Variants in ATG7 observed in about 807,000 individuals in gnomAD.
ATG7 encodes the protein ubiquitin-like modifier-activating enzyme ATG7.
Under a neutral mutation model 82.4 loss-of-function variants are expected in ATG7, and 70 were observed. That is an observed-to-expected ratio of 0.85 (90% CI 0.70 to 1.04). The LOEUF is 1.04. ATG7 is among the 50% of genes least tolerant of loss of function. ATG7 has a pLI of 0.00. For missense variants in ATG7, 792 were observed against 864.3 expected (o/e 0.92, Z 1.05); for synonymous variants, 287 against 313.0 (o/e 0.92, Z 0.88).
chr3:11,525,492 C>A, intron 20 of ATG7, among the ~76,000 whole-genome samples: 1 of 138,508 alleles, frequency 7.2e-6, no homozygotes, highest in South Asian at 2.2e-4. Flanking sequence ...TTGTATGTGA[C>A]AGATGCTCAT....
At chr3:11,421,897 T>G (rs1221319573) in intron 19 of ATG7, among the ~76,000 whole-genome samples, 1 of 152,230 alleles carries the variant, frequency 6.6e-6, no homozygotes, top group African/African-American at 2.4e-5. Context: ...CCATCAGACC[T>G]CCTGGGTGAC....
intron 20 of ATG7, among the ~76,000 whole-genome samples, chr3:11,454,261 G>A (rs1334463349): frequency 6.6e-6 from 1 of 152,074 alleles, no homozygotes; most frequent in Non-Finnish European, 1.5e-5. Context: ...AGTTGACTCC[G>A]CCCTTGGCCC....
intron 9 of ATG7, among the ~76,000 whole-genome samples, chr3:11,320,484 C>T (rs984975061): frequency 5.3e-5 from 8 of 152,082 alleles, no homozygotes; most frequent in Non-Finnish European, 1.2e-4. Context: ...GATGGGGTTT[C>T]GCCATGTTGG....
intron 20 of ATG7, among the ~76,000 whole-genome samples, chr3:11,526,586 T>G (rs1273131532): frequency 6.6e-6 from 1 of 152,258 alleles, no homozygotes; most frequent in Non-Finnish European, 1.5e-5. Context: ...TTTTGTATGT[T>G]GATTATATTC....
At position 11,476,418 on chromosome 3, in the gene ATG7, CTTTTTTT is replaced by C. The variant is rs57639760; in HGVS notation, c.2079+49501_2079+49507del. Reference sequence around the variant, plus strand: ...TTGACCTGAACTTTATGTGGTTTTTCTTTTTTTTTTTTTTTGGTTTTTCCTTAGATGA... The same window carrying C: ...TTGACCTGAACTTTATGTGGTTTTTCTTTTTTTTGGTTTTTCCTTAGATGA... On this transcript the variant is annotated intron_variant, in intron 20 of 20. Transcript: ENST00000693202. 1.2e-3 allele frequency among the ~76,000 whole-genome samples: 162 copies of C among 139,488 alleles called. 1 individual carries two copies. The highest frequency in any genetic ancestry group is 4.2e-3 in the African/African-American group (159 of 37,414). 91.5% of individuals were successfully genotyped at this position (139,488 alleles called of 152,430 possible). A position where few individuals can be genotyped will look rare whatever the true frequency, so the allele number is the denominator to read the frequency against.
intron 9 of ATG7, among the ~76,000 whole-genome samples, chr3:11,320,347 C>T (rs889647498): frequency 1.3e-5 from 2 of 151,854 alleles, no homozygotes; most frequent in African/African-American, 4.8e-5. Context: ...AGTACAATGG[C>T]ATGATGTTGG....
intron 19 of ATG7, among the ~76,000 whole-genome samples, chr3:11,392,045 T>C (rs1408718590): frequency 6.6e-6 from 1 of 152,084 alleles, no homozygotes; most frequent in Non-Finnish European, 1.5e-5. Flanking sequence ...GGAAATCTTG[T>C]CCTTTGAAAA....
intron 20 of ATG7, among the ~76,000 whole-genome samples, chr3:11,449,335 A>T (rs1012837521): frequency 6.6e-6 from 1 of 152,102 alleles, no homozygotes; most frequent in Non-Finnish European, 1.5e-5. Context: ...TTGCCACTGC[A>T]CTCCAGCCTG....
chr3:11,420,022 T>C (rs2081787479), intron 19 of ATG7, among the ~76,000 whole-genome samples: 1 of 152,238 alleles, frequency 6.6e-6, no homozygotes, highest in African/African-American at 2.4e-5. Context: ...CACTTAAGAA[T>C]TGTGCTATGT....
At chr3:11,425,690 CA>C (rs147200054) in intron 19 of ATG7, among the ~76,000 whole-genome samples, 9,239 of 151,470 alleles carry the variant, frequency 0.061, 301 homozygotes, top group African/African-American at 0.081. Context: ...AACATATATC[CA>C]AAAAAAACAC....
At chr3:11,528,122 A>C (rs1053726815) in intron 20 of ATG7, among the ~76,000 whole-genome samples, 4 of 152,226 alleles carry the variant, frequency 2.6e-5, no homozygotes, top group Non-Finnish European at 4.4e-5. Context: ...GAACAACTTA[A>C]TGAAGTAAAG....
At chr3:11,332,198 A>G (rs1442375938) in intron 10 of ATG7, among the ~76,000 whole-genome samples, 2 of 152,342 alleles carry the variant, frequency 1.3e-5, no homozygotes, top group East Asian at 3.9e-4. Flanking sequence ...GTCATATACA[A>G]TGAATCTGAG....
chr3:11,303,105 T>C (rs1391455450), intron 5 of ATG7, among the ~76,000 whole-genome samples: 1 of 152,142 alleles, frequency 6.6e-6, no homozygotes, highest in Non-Finnish European at 1.5e-5. Context: ...AGTTGTCACT[T>C]TCAGGTAACA....
At chr3:11,380,204 T>C in intron 19 of ATG7, 152 bp downstream of exon 19, 1 of 671,990 alleles carries the variant, frequency 1.5e-6, no homozygotes, top group Non-Finnish European at 2.6e-6. Flanking sequence ...TTTGTTTTCA[T>C]GGATCTGTAT....
chr3:11,493,330 C>G (rs542160933), intron 20 of ATG7, among the ~76,000 whole-genome samples: 2 of 152,326 alleles, frequency 1.3e-5, no homozygotes, highest in South Asian at 4.1e-4. Context: ...AGCTGCTTCT[C>G]CTCTCTGCCA....
chr3:11,533,107 G>A (rs1490291020), intron 20 of ATG7, among the ~76,000 whole-genome samples: 3 of 152,208 alleles, frequency 2.0e-5, no homozygotes, highest in Non-Finnish European at 1.5e-5. Context: ...AGCAGACAGT[G>A]GAGGGTTCAG....
intron 5 of ATG7, among the ~76,000 whole-genome samples, chr3:11,303,917 C>CAAAAAAAGA (rs1947257043): frequency 1.3e-5 from 1 of 75,898 alleles, no homozygotes; most frequent in Non-Finnish European, 2.6e-5. Flanking sequence ...ACTAAAAATG[C>CAAAAAAAGA]AAAAAAAAAA....
chr3:11,340,186 A>G (rs538946964), intron 11 of ATG7, among the ~76,000 whole-genome samples: 11 of 152,320 alleles, frequency 7.2e-5, no homozygotes, highest in Middle Eastern at 3.4e-3. Context: ...TACAGAAGGG[A>G]CATACTTAAT....
At chr3:11,544,984 A>G (rs1326886893) in intron 20 of ATG7, among the ~76,000 whole-genome samples, 1 of 152,174 alleles carries the variant, frequency 6.6e-6, no homozygotes, top group Non-Finnish European at 1.5e-5. Flanking sequence ...AAGAGGGCTG[A>G]GAATAAGGTA....
Sources: gnomAD v4.1 joint callset for allele counts (sites outside exome capture counted in the v4.1 genomes callset) on GRCh38, gnomAD v4.1.1 for gene constraint, MANE v1.5 for transcripts, NCBI Gene and HGNC (gene_info 2026-07-23, HGNC 2026-07-21) for gene names.